SMAD7: variants seen among roughly 807,000 people sequenced by gnomAD.
SMAD7 encodes SMAD family member 7.
A neutral mutation model predicts 38.7 loss-of-function variants in SMAD7; 8 were observed. That is an observed-to-expected ratio of 0.21 (90% CI 0.12 to 0.37). The LOEUF is 0.37. Ranked by LOEUF, SMAD7 falls within the 10% of genes least tolerant of loss-of-function variation. The pLI is 1.00. For synonymous variants in SMAD7, 327 were observed against 265.1 expected (o/e 1.23, Z -2.27); for missense variants, 477 against 577.9 (o/e 0.83, Z 1.79).
At chr18:48,929,599 G>A (rs1453068356) in intron 3 of SMAD7, among the ~76,000 whole-genome samples, 3 of 26,042 alleles carry the variant, frequency 1.2e-4, no homozygotes, top group African/African-American at 1.9e-4. Context: ...ACACACACAC[G>A]TTAAAGCATC....
chr18:48,937,264 A>ATGTGTGTGTGTGTGTGTGTGTGTGTG (rs71165354), intron 3 of SMAD7, among the ~76,000 whole-genome samples: 3 of 119,778 alleles, frequency 2.5e-5, no homozygotes, highest in African/African-American at 6.7e-5. Flanking sequence ...AAGTAAAGGC[A>ATGTGTGTGTGTGTGTGTGTGTGTGTG]TGTGTGTGTG....
rs1327335614 is a variant in SMAD7, at chr18:48,925,583, CAA to C, written c.743-3675_743-3674del. ...TTAGCAAGGAGCTCCCTGACTCTTA[CAA>C]AGAGTTATTTAATTACCCTGCTCAT... On this transcript the variant is annotated intron_variant, in intron 3 of 3. Coordinates refer to ENST00000262158, the MANE Select transcript of SMAD7 (RefSeq NM_005904.4). Among the ~76,000 whole-genome samples the C allele has an allele frequency of 2.0e-5, 3 of 152,138 alleles. No homozygotes were observed. In the East Asian group the frequency reaches 5.8e-4, roughly 29 times the overall value.
Position 48,949,975 on chromosome 18 carries a change from G to C in SMAD7, c.450C>G (p.Pro150=). Residue 150 remains proline, a synonymous_variant, in exon 1 of 4, where the codon CCC becomes CCG. Transcript: ENST00000262158. ...GCAGGAGGGGGAGCGAGTAGGACGA[G>C]GGCGGCTGCGCAGGCTGCGCGCCGG... ...APAGAQPAQP[P]SSYSLPLLLC... 6.2e-7 allele frequency: 1 copy of C among 1,601,608 alleles called. No homozygotes were observed. The highest frequency in any genetic ancestry group is 8.5e-7 in the Non-Finnish European group (1 of 1,174,754).
chr18:48,945,432 A>G (rs2143815659), intron 2 of SMAD7, among the ~76,000 whole-genome samples: 1 of 152,196 alleles, frequency 6.6e-6, no homozygotes, highest in South Asian at 2.1e-4. Context: ...ACTGCACTCC[A>G]GCCTGGGCAC....
chr18:48,921,257 A>C lies in SMAD7; in HGVS notation c.*115T>G, dbSNP rs765070862. 5.1e-6 allele frequency: 5 copies of C among 987,302 alleles called. No homozygotes were observed. The highest frequency in any genetic ancestry group is 5.0e-5 in the East Asian group (2 of 40,380). 61.2% of individuals were successfully genotyped at this position (987,302 alleles called of 1,614,324 possible). On this transcript the variant is annotated 3_prime_UTR_variant, in exon 4 of 4. Transcript: ENST00000262158. The surrounding 1 kb of genome is among the most constrained non-coding windows in gnomAD (Gnocchi z 6.4). ...AGAAGAAAACCAACCAACAAACAAA[A>C]AAAAAACGACCAAAGAGTTTGCATG...
chr18:48,944,865 T>C (rs2070179175), intron 2 of SMAD7, among the ~76,000 whole-genome samples: 2 of 152,170 alleles, frequency 1.3e-5, no homozygotes, highest in South Asian at 4.1e-4. Context: ...CAACACTAAG[T>C]GTTATCAAGC....
chr18:48,927,139 C>G (rs2069937872), intron 3 of SMAD7, among the ~76,000 whole-genome samples: 1 of 152,182 alleles, frequency 6.6e-6, no homozygotes, highest in Admixed American at 6.5e-5. Flanking sequence ...ACAGACAATG[C>G]TGGGGTTTAG....
chr18:48,934,176 A>G (rs2070036477), intron 3 of SMAD7, among the ~76,000 whole-genome samples: 1 of 152,094 alleles, frequency 6.6e-6, no homozygotes, highest in Admixed American at 6.6e-5. Context: ...GGTGAACCAT[A>G]TCACTCCTTC....
intron 2 of SMAD7, among the ~76,000 whole-genome samples, chr18:48,946,924 G>T (rs1234206418): frequency 2.6e-5 from 4 of 152,094 alleles, no homozygotes; most frequent in African/African-American, 9.7e-5. Context: ...TATCCCTGGG[G>T]CTAAGGTCAC....
At chr18:48,937,485 TTTAAA>T (rs2143795419) in intron 3 of SMAD7, among the ~76,000 whole-genome samples, 1 of 152,242 alleles carries the variant, frequency 6.6e-6, no homozygotes, top group East Asian at 1.9e-4. Context: ...CTCCAGAGAT[TTTAAA>T]TGCTGTCACC....
chr18:48,922,418 C>A (rs1463239206), intron 3 of SMAD7, among the ~76,000 whole-genome samples: 1 of 152,116 alleles, frequency 6.6e-6, no homozygotes, highest in African/African-American at 2.4e-5. Context: ...AGAGCTAGAA[C>A]CCAGGTGTCT....
At chr18:48,926,736 C>G (rs1345663367) in intron 3 of SMAD7, among the ~76,000 whole-genome samples, 1 of 152,212 alleles carries the variant, frequency 6.6e-6, no homozygotes, top group Non-Finnish European at 1.5e-5. Context: ...CCTCCCTCCT[C>G]AGGACCCAGG....
At position 48,950,878 on chromosome 18, in the gene SMAD7, G is replaced by A. The variant is rs1436399642; in HGVS notation, c.-454C>T. On this transcript the variant is annotated 5_prime_UTR_variant, in exon 1 of 4. Transcript: ENST00000262158. Reference sequence around the variant, plus strand: ...AGGTCCGCGGGGGCAAAAAACGAAAGGCGTTCGGCTGGGCTGTTGGAAGAA... The same window carrying A: ...AGGTCCGCGGGGGCAAAAAACGAAAAGCGTTCGGCTGGGCTGTTGGAAGAA... Among the ~76,000 whole-genome samples the A allele has an allele frequency of 3.3e-5, 5 of 151,660 alleles. No individual in the cohort carries two copies. Among genetic ancestry groups the A allele is most frequent in the African/African-American group, 7.2e-5 (3 of 41,390 alleles).
intron 2 of SMAD7, chr18:48,942,777 A>C: frequency 7.2e-7 from 1 of 1,397,792 alleles, no homozygotes; most frequent in Non-Finnish European, 9.3e-7. Context: ...GCAGCCAGTT[A>C]ATCATTACTC....
intron 3 of SMAD7, among the ~76,000 whole-genome samples, chr18:48,923,862 T>C (rs2069894250): frequency 6.6e-6 from 1 of 152,146 alleles, no homozygotes; most frequent in African/African-American, 2.4e-5. Context: ...CTGGAACATA[T>C]GGAAAACAAG....
At chr18:48,935,697 G>A (rs1555716846) in intron 3 of SMAD7, among the ~76,000 whole-genome samples, 1 of 152,120 alleles carries the variant, frequency 6.6e-6, no homozygotes, top group Non-Finnish European at 1.5e-5. Flanking sequence ...CAAACCAGAG[G>A]GAACTTTCCT....
intron 3 of SMAD7, among the ~76,000 whole-genome samples, chr18:48,941,665 G>C (rs1045246645): frequency 1.3e-5 from 2 of 152,208 alleles, no homozygotes; most frequent in Admixed American, 1.3e-4. Flanking sequence ...AGAAAATCTA[G>C]TGATGACATG....
chr18:48,927,158 C>T (rs2069938271), intron 3 of SMAD7, among the ~76,000 whole-genome samples: 1 of 152,156 alleles, frequency 6.6e-6, no homozygotes, highest in African/African-American at 2.4e-5. Context: ...AGAGTGAGTT[C>T]CTCATGGAGG....
intron 2 of SMAD7, 72 bp downstream of exon 2, chr18:48,948,312 C>A (rs1447600414): frequency 8.8e-6 from 10 of 1,138,976 alleles, no homozygotes; most frequent in Non-Finnish European, 1.3e-5. Context: ...TGCCTACACA[C>A]AAAAAGCCAC....
Sources: allele counts gnomAD v4.1 joint callset (sites outside exome capture counted in the v4.1 genomes callset), GRCh38; gene constraint gnomAD v4.1.1; non-coding constraint Gnocchi (gnomAD v3.1); transcripts MANE v1.5; gene names NCBI Gene and HGNC (gene_info 2026-07-23, HGNC 2026-07-21).